Variants in TLN2 observed in about 807,000 individuals in gnomAD.
TLN2 encodes the protein talin-2.
In TLN2, 118 loss-of-function variants were observed where a neutral mutation model predicts 294.7. The observed-to-expected ratio is 0.40, with a 90% CI of 0.34 to 0.47. TLN2 has a LOEUF of 0.47. TLN2 is among the 20% of genes least tolerant of loss of function. The probability of loss-of-function intolerance (pLI) is 0.84; values close to 1 mark genes in which losing one functional copy is unlikely to be tolerated. For missense variants in TLN2, 3,083 were observed against 3,282.2 expected (o/e 0.94, Z 1.48); for synonymous variants, 1,431 against 1,304.5 (o/e 1.10, Z -2.09).
At chr15:62,431,780 A>G (rs1246640630) in intron 1 of TLN2, among the ~76,000 whole-genome samples, 1 of 152,230 alleles carries the variant, frequency 6.6e-6, no homozygotes, top group Non-Finnish European at 1.5e-5. Context: ...AATAAAGGAA[A>G]TTTCTAAAAA....
At chr15:62,515,723 T>C (rs1007366597) in intron 1 of TLN2, among the ~76,000 whole-genome samples, 1 of 140,992 alleles carries the variant, frequency 7.1e-6, no homozygotes, top group African/African-American at 3.0e-5. Context: ...TTTTGGTGTT[T>C]TTCACACATC....
chr15:62,525,371 A>G (rs2040681483), intron 1 of TLN2, among the ~76,000 whole-genome samples: 1 of 152,226 alleles, frequency 6.6e-6, no homozygotes, highest in African/African-American at 2.4e-5. Flanking sequence ...TAACTTGCAT[A>G]TACAGATTTA....
chr15:62,568,446 A>G (rs770174250), intron 1 of TLN2, among the ~76,000 whole-genome samples: 1 of 152,184 alleles, frequency 6.6e-6, no homozygotes, highest in African/African-American at 2.4e-5. Context: ...TATAGGTAAG[A>G]GGTACAATTT....
chr15:62,499,418 T>G (rs1366562371), intron 1 of TLN2, among the ~76,000 whole-genome samples: 3 of 152,134 alleles, frequency 2.0e-5, no homozygotes, highest in African/African-American at 2.4e-5. Context: ...CTACTGCACT[T>G]CAGCCTGGGT....
At chr15:62,838,659 G>A (rs1266078004) in intron 57 of TLN2, among the ~76,000 whole-genome samples, 197 bp from the exon 58 acceptor site, 1 of 152,176 alleles carries the variant, frequency 6.6e-6, no homozygotes, top group Non-Finnish European at 1.5e-5. Flanking sequence ...ATCTGTGAGT[G>A]ACCAGGTAGG....
At chr15:62,714,339 A>G (rs956264478) in intron 22 of TLN2, among the ~76,000 whole-genome samples, 2 of 151,494 alleles carry the variant, frequency 1.3e-5, no homozygotes, top group South Asian at 2.1e-4. Context: ...AGTAGCTGGG[A>G]CTACAGGTGC....
intron 1 of TLN2, among the ~76,000 whole-genome samples, chr15:62,520,822 T>G (rs1048648646): frequency 3.3e-5 from 5 of 152,238 alleles, no homozygotes; most frequent in African/African-American, 9.6e-5. Flanking sequence ...AAATAATCTC[T>G]GAGGGCTATC....
chr15:62,433,881 CA>C (rs779325163), intron 1 of TLN2, among the ~76,000 whole-genome samples: 4 of 151,888 alleles, frequency 2.6e-5, no homozygotes, highest in Non-Finnish European at 5.9e-5. Flanking sequence ...CCCAGCTACT[CA>C]GGAGGCTGAG....
At chr15:62,762,087 GC>G (rs1164206272) in intron 38 of TLN2, among the ~76,000 whole-genome samples, 184 bp from the exon 39 acceptor site, 1 of 152,122 alleles carries the variant, frequency 6.6e-6, no homozygotes, top group African/African-American at 2.4e-5. Flanking sequence ...TATTTAAGGG[GC>G]AAACATGGGC....
intron 48 of TLN2, 96 bp downstream of exon 48, chr15:62,797,498 G>T: frequency 7.2e-7 from 1 of 1,385,202 alleles, no homozygotes; most frequent in Non-Finnish European, 9.5e-7. Flanking sequence ...AGGAACTTTT[G>T]AAGTAGACAA....
intron 38 of TLN2, among the ~76,000 whole-genome samples, 195 bp from the exon 39 acceptor site, chr15:62,762,077 T>C (rs982158716): frequency 2.0e-5 from 3 of 152,204 alleles, no homozygotes; most frequent in Non-Finnish European, 4.4e-5. Flanking sequence ...CAAAAAATGC[T>C]ATTTAAGGGG....
At chr15:62,491,351 T>TATACACAC (rs1195221221) in intron 1 of TLN2, among the ~76,000 whole-genome samples, 23 of 100,296 alleles carry the variant, frequency 2.3e-4, no homozygotes, top group South Asian at 3.9e-4. Context: ...TATATATATA[T>TATACACAC]ACACACACAC....
At chr15:62,606,248 A>ATTTTTTTTTTTTTT (rs771750764) in intron 2 of TLN2, among the ~76,000 whole-genome samples, 4 of 136,760 alleles carry the variant, frequency 2.9e-5, no homozygotes, top group Admixed American at 7.3e-5. Flanking sequence ...TGCTTGGCTA[A>ATTTTTTTTTTTTTT]TTTTTTTTTT....
At chr15:62,838,717 C>A in intron 57 of TLN2, 139 bp from the exon 58 acceptor site, 1 of 1,145,166 alleles carries the variant, frequency 8.7e-7, no homozygotes, top group Non-Finnish European at 1.2e-6. Flanking sequence ...CAGATGGGTA[C>A]TCTCTGGCTA....
At chr15:62,533,756 G>C (rs1202289007) in intron 1 of TLN2, among the ~76,000 whole-genome samples, 1 of 152,178 alleles carries the variant, frequency 6.6e-6, no homozygotes, top group East Asian at 1.9e-4. Context: ...GGCTTCCCTG[G>C]TGCTTTGGCT....
chr15:62,775,859 C>T (rs895072642), intron 42 of TLN2, among the ~76,000 whole-genome samples: 1 of 152,212 alleles, frequency 6.6e-6, no homozygotes, highest in Non-Finnish European at 1.5e-5. Context: ...TTTTGCAGAG[C>T]GAGGGCATGA....
intron 1 of TLN2, among the ~76,000 whole-genome samples, chr15:62,582,241 CACACACAT>C (rs1215637367): frequency 2.7e-5 from 4 of 146,506 alleles, no homozygotes; most frequent in African/African-American, 7.7e-5. Flanking sequence ...CACACACACA[CACACACAT>C]TCATGCCTGA....
chr15:62,801,422 T>C (rs1219234106), intron 50 of TLN2, among the ~76,000 whole-genome samples: 2 of 152,166 alleles, frequency 1.3e-5, no homozygotes, highest in Non-Finnish European at 2.9e-5. Context: ...AATAGAAATA[T>C]GCCAAAAAGA....
chr15:62,510,894 G>A (rs1327671761), intron 1 of TLN2, among the ~76,000 whole-genome samples: 1 of 152,202 alleles, frequency 6.6e-6, no homozygotes, highest in East Asian at 1.9e-4. Flanking sequence ...CCTAAGTCTA[G>A]GAAAAGAATT....
Sources: allele counts gnomAD v4.1 joint callset (sites outside exome capture counted in the v4.1 genomes callset), GRCh38; gene constraint gnomAD v4.1.1; transcripts MANE v1.5; gene names NCBI Gene and HGNC (gene_info 2026-07-23, HGNC 2026-07-21).